The following THSD4 variants were observed in gnomAD, a reference collection of about 807,000 sequenced individuals.
THSD4 encodes thrombospondin type-1 domain-containing protein 4.
A neutral mutation model predicts 119.0 loss-of-function variants in THSD4; 69 were observed. The observed-to-expected ratio is 0.58, with a 90% confidence interval of 0.48 to 0.71. The LOEUF (loss-of-function observed/expected upper bound fraction) is 0.71. Ranked by LOEUF, THSD4 falls within the 30% of genes least tolerant of loss-of-function variation. THSD4 has a pLI of 0.00. For missense variants in THSD4, 1,393 were observed against 1,391.1 expected (o/e 1.00, Z -0.02); for synonymous variants, 524 against 540.4 (o/e 0.97, Z 0.42).
At chr15:71,738,391 G>A (rs1457428380) in intron 11 of THSD4, among the ~76,000 whole-genome samples, 1 of 152,164 alleles carries the variant, frequency 6.6e-6, no homozygotes, top group African/African-American at 2.4e-5. Flanking sequence ...CAAGGGAAAT[G>A]GCAAACCCTC....
intron 14 of THSD4, among the ~76,000 whole-genome samples, chr15:71,751,053 T>C (rs1399926602): frequency 6.6e-6 from 1 of 152,190 alleles, no homozygotes; most frequent in South Asian, 2.1e-4. Flanking sequence ...AGGTCTCCTT[T>C]TACAGTTAAC....
At chr15:71,226,871 G>A (rs540906375) in intron 4 of THSD4, among the ~76,000 whole-genome samples, 2 of 152,276 alleles carry the variant, frequency 1.3e-5, no homozygotes, top group East Asian at 3.9e-4. Flanking sequence ...TGTTTGAAAT[G>A]CATACTCCTT....
chr15:71,510,632 G>A (rs1349434777), intron 7 of THSD4, among the ~76,000 whole-genome samples: 1 of 152,132 alleles, frequency 6.6e-6, no homozygotes, highest in African/African-American at 2.4e-5. Context: ...CCTGGATTAG[G>A]GCAAAGCATG....
intron 7 of THSD4, among the ~76,000 whole-genome samples, chr15:71,615,969 C>T (rs1257190666): frequency 1.3e-5 from 2 of 152,164 alleles, no homozygotes; most frequent in East Asian, 3.9e-4. Context: ...ATAGAGGCTC[C>T]TTGAGAGCAG....
rs375349918 is a variant in THSD4 at position 71,323,231 on chromosome 15, C to A, written c.1015+66516C>A. Among the ~76,000 whole-genome samples the A allele has an allele frequency of 1.2e-3, 185 of 152,122 alleles. 11 individuals are homozygous for A. In the South Asian group the frequency reaches 0.037, roughly 31 times the overall value. On this transcript the variant is annotated intron_variant, in intron 6 of 17. Coordinates refer to ENST00000261862, the MANE Select transcript of THSD4 (RefSeq NM_024817.3). ...CAGATTCAGTATGTGAGGAGACCAC[C>A]CAAAAGCATGGATACTAGAAGGCGC...
intron 3 of THSD4, among the ~76,000 whole-genome samples, chr15:71,199,539 G>GA (rs1567154565): frequency 3.7e-5 from 5 of 133,578 alleles, no homozygotes; most frequent in African/African-American, 1.6e-4. Flanking sequence ...TGTGTGGTGT[G>GA]TGTATGTGTG....
At chr15:71,347,982 A>G (rs2045689432) in intron 6 of THSD4, among the ~76,000 whole-genome samples, 1 of 152,154 alleles carries the variant, frequency 6.6e-6, no homozygotes, top group South Asian at 2.1e-4. Context: ...CCCAATACCC[A>G]TGGGTCTATC....
At chr15:71,692,968 G>A (rs1250200551) in intron 8 of THSD4, among the ~76,000 whole-genome samples, 1 of 35,890 alleles carries the variant, frequency 2.8e-5, no homozygotes, top group Non-Finnish European at 5.1e-5. Flanking sequence ...AGGAAGAGCA[G>A]TTTCCTAAAC....
Position 71,419,208 on chromosome 15 carries a change from C to A in THSD4, c.1152+7385C>A, listed in dbSNP as rs1401721955. ...ATTTCTTTTCTTTTCTTTTCTTTTT[C>A]TTTTTCTTTTTTTTTAGACAGTGTT... On this transcript the variant is annotated intron_variant, in intron 7 of 17. Coordinates refer to ENST00000261862, the MANE Select transcript of THSD4 (RefSeq NM_024817.3). 2.7e-4 allele frequency among the ~76,000 whole-genome samples: 3 copies of A among 11,138 alleles called. 1 individual carries two copies. The highest frequency in any genetic ancestry group is 3.1e-3 in the Admixed American group (1 of 322). The allele number at this position is 11,138 out of a possible 152,430, so 7.3% of individuals were successfully genotyped here. A position where few individuals can be genotyped will look rare whatever the true frequency, so the allele number is the denominator to read the frequency against.
chr15:71,314,683 T>C (rs2045162023), intron 6 of THSD4, among the ~76,000 whole-genome samples: 1 of 152,204 alleles, frequency 6.6e-6, no homozygotes, highest in African/African-American at 2.4e-5. Flanking sequence ...AACATAATCT[T>C]ATTATTTGTA....
chr15:71,764,976 C>G, intron 15 of THSD4, 44 bp from the exon 16 acceptor site: 1 of 1,580,006 alleles, frequency 6.3e-7, no homozygotes, highest in Non-Finnish European at 8.6e-7. Flanking sequence ...CTGCCACCCC[C>G]TTTCCATCAT....
intron 7 of THSD4, among the ~76,000 whole-genome samples, chr15:71,412,153 G>A (rs1306711965): frequency 6.6e-6 from 1 of 152,222 alleles, no homozygotes; most frequent in Non-Finnish European, 1.5e-5. Context: ...TTATGGAAAG[G>A]GCACTGCTGG....
chr15:71,484,038 G>A (rs1026877468), intron 7 of THSD4, among the ~76,000 whole-genome samples: 13 of 152,076 alleles, frequency 8.5e-5, no homozygotes, highest in Admixed American at 7.9e-4. Context: ...AAGAGGAAAC[G>A]GCCTTTCAAA....
At chr15:71,467,230 A>G (rs2047513374) in intron 7 of THSD4, among the ~76,000 whole-genome samples, 1 of 152,248 alleles carries the variant, frequency 6.6e-6, no homozygotes, top group African/African-American at 2.4e-5. Context: ...TAGGATGATC[A>G]TGAGAGGTGT....
intron 7 of THSD4, among the ~76,000 whole-genome samples, chr15:71,557,854 C>T (rs1325814910): frequency 1.3e-5 from 2 of 152,174 alleles, no homozygotes; most frequent in Middle Eastern, 3.4e-3. Flanking sequence ...TCAATTGTGC[C>T]TTTTATTTTA....
chr15:71,689,733 CATGGGGATT>C (rs71987062), intron 8 of THSD4, among the ~76,000 whole-genome samples: 2,010 of 152,286 alleles, frequency 0.013, 39 homozygotes, highest in African/African-American at 0.046. Flanking sequence ...TCATTGAGAT[CATGGGGATT>C]GAGAAGATGT....
intron 6 of THSD4, among the ~76,000 whole-genome samples, chr15:71,261,639 G>C (rs1013498087): frequency 1.3e-5 from 2 of 152,166 alleles, no homozygotes; most frequent in Non-Finnish European, 2.9e-5. Context: ...CCTATGGTAG[G>C]GGACCCACAT....
In THSD4 at chr15:71,615,163, C is replaced by A. The variant is rs1414706949; in HGVS notation, c.1153-45367C>A. On this transcript the variant is annotated intron_variant, in intron 7 of 17. Transcript: ENST00000261862. ...AATTGGCCAATTTTTTTATAGCTCT[C>A]TACTTCTGCCCACAGACTTGTTCAC... Among the ~76,000 whole-genome samples, 3 of 152,182 alleles carry A rather than the reference C, an allele frequency of 2.0e-5. No individual in the cohort carries two copies. In the South Asian group the frequency reaches 6.2e-4, roughly 32 times the overall value.
At chr15:71,526,240 A>G (rs2048516870) in intron 7 of THSD4, among the ~76,000 whole-genome samples, 1 of 152,186 alleles carries the variant, frequency 6.6e-6, no homozygotes, top group Non-Finnish European at 1.5e-5. Flanking sequence ...GTTCCCAGAG[A>G]GAAATGAGCC....
Sources: gnomAD v4.1 joint callset for allele counts (sites outside exome capture counted in the v4.1 genomes callset) on GRCh38, gnomAD v4.1.1 for gene constraint, MANE v1.5 for transcripts, NCBI Gene and HGNC (gene_info 2026-07-23, HGNC 2026-07-21) for gene names.